The following GRID2 variants were observed in gnomAD, a reference collection of about 807,000 sequenced individuals.
The protein encoded by GRID2 is glutamate ionotropic receptor delta type subunit 2.
GRID2 carries 33 observed loss-of-function variants against 114.8 expected under a neutral mutation model. That is an observed-to-expected ratio of 0.29 (90% CI 0.22 to 0.38). The LOEUF (loss-of-function observed/expected upper bound fraction) is 0.38, where lower values mean the gene tolerates loss of function less well. Among genes scored for constraint, GRID2 ranks in the 10% least tolerant of loss-of-function variants. The pLI, the probability that GRID2 is intolerant of heterozygous loss-of-function variation, is 1.00. For missense variants in GRID2, 1,184 were observed against 1,257.7 expected (o/e 0.94, Z 0.89); for synonymous variants, 505 against 449.9 (o/e 1.12, Z -1.55).
chr4:93,434,044 A>C (rs952653466), intron 10 of GRID2, among the ~76,000 whole-genome samples: 1 of 152,178 alleles, frequency 6.6e-6, no homozygotes, highest in African/African-American at 2.4e-5. Flanking sequence ...TGTGAGCCTA[A>C]AAGAGTTTTG....
intron 2 of GRID2, among the ~76,000 whole-genome samples, chr4:92,982,852 AC>A (rs2149190432): frequency 1.3e-5 from 2 of 152,244 alleles, no homozygotes; most frequent in South Asian, 4.1e-4. Context: ...TTTTAATTTA[AC>A]AAACACTCAT....
chr4:93,038,217 G>A (rs1226485887), intron 2 of GRID2, among the ~76,000 whole-genome samples: 1 of 152,016 alleles, frequency 6.6e-6, no homozygotes, highest in Non-Finnish European at 1.5e-5. Context: ...TCTCTTTGTA[G>A]CATTTGTGAA....
At chr4:92,908,893 C>T (rs531606116) in intron 2 of GRID2, among the ~76,000 whole-genome samples, 1 of 152,246 alleles carries the variant, frequency 6.6e-6, no homozygotes, top group Admixed American at 6.5e-5. Flanking sequence ...CTTATATCTT[C>T]ATCAATTGTC....
At chr4:93,138,477 A>G (rs1279992654) in intron 4 of GRID2, among the ~76,000 whole-genome samples, 1 of 152,126 alleles carries the variant, frequency 6.6e-6, no homozygotes, top group Non-Finnish European at 1.5e-5. Flanking sequence ...TCCAGCCAAA[A>G]TATTTAATAC....
chr4:93,600,186 A>C (rs1739522635), intron 13 of GRID2, among the ~76,000 whole-genome samples: 1 of 152,214 alleles, frequency 6.6e-6, no homozygotes, highest in African/African-American at 2.4e-5. Flanking sequence ...TACAAATACA[A>C]GTTCCTTAAA....
intron 14 of GRID2, among the ~76,000 whole-genome samples, chr4:93,762,980 C>A (rs1020815323): frequency 2.4e-4 from 36 of 152,236 alleles, no homozygotes; most frequent in Middle Eastern, 3.4e-3. Flanking sequence ...CCAAAGGAGG[C>A]TGAGTCAGCA....
At chr4:92,958,051 T>C (rs143332797) in intron 2 of GRID2, among the ~76,000 whole-genome samples, 1 of 152,224 alleles carries the variant, frequency 6.6e-6, no homozygotes, top group East Asian at 1.9e-4. Flanking sequence ...ACTTTTGTTG[T>C]TGTTGTCGAT....
At chr4:92,421,793 A>G (rs1731922171) in intron 1 of GRID2, among the ~76,000 whole-genome samples, 2 of 152,100 alleles carry the variant, frequency 1.3e-5, no homozygotes, top group South Asian at 2.1e-4. Flanking sequence ...ACTCTAATCC[A>G]GAACTATACA....
At chr4:92,964,400 A>T (rs1038347702) in intron 2 of GRID2, among the ~76,000 whole-genome samples, 2 of 152,010 alleles carry the variant, frequency 1.3e-5, no homozygotes, top group African/African-American at 4.8e-5. Context: ...GGCATAGGGG[A>T]CAAGAGGAGG....
At chr4:93,097,231 A>G (rs928342948) in intron 3 of GRID2, among the ~76,000 whole-genome samples, 2 of 151,988 alleles carry the variant, frequency 1.3e-5, no homozygotes, top group African/African-American at 4.8e-5. Flanking sequence ...AATACAATAA[A>G]CAATCTGTTA....
chr4:93,190,906 A>T (rs1411912674), intron 4 of GRID2, among the ~76,000 whole-genome samples: 1 of 152,006 alleles, frequency 6.6e-6, no homozygotes, highest in African/African-American at 2.4e-5. Context: ...TAATATAAAT[A>T]TGATTTAGAA....
intron 8 of GRID2, chr4:93,306,257 T>C (rs889080164): frequency 2.0e-5 from 3 of 152,234 alleles, no homozygotes; most frequent in African/African-American, 7.2e-5. Flanking sequence ...AGAGCTTTTA[T>C]GTTTAGGTAG....
At chr4:92,743,738 A>C (rs1267583161) in intron 2 of GRID2, among the ~76,000 whole-genome samples, 1 of 152,132 alleles carries the variant, frequency 6.6e-6, no homozygotes, top group Non-Finnish European at 1.5e-5. Flanking sequence ...CCTCTTTGAT[A>C]ATTATATCTG....
At chr4:92,457,155 A>G (rs1246221830) in intron 1 of GRID2, among the ~76,000 whole-genome samples, 1 of 151,866 alleles carries the variant, frequency 6.6e-6, no homozygotes, top group Non-Finnish European at 1.5e-5. Flanking sequence ...TTTGTTCTCT[A>G]TTTTTACTAT....
intron 1 of GRID2, among the ~76,000 whole-genome samples, chr4:93,794,796 T>C (rs1734764874): frequency 6.6e-6 from 1 of 152,202 alleles, no homozygotes. Context: ...CCTTCTCTCC[T>C]CACAATTCCT....
At chr4:92,774,524 A>G (rs1738692907) in intron 2 of GRID2, among the ~76,000 whole-genome samples, 3 of 151,798 alleles carry the variant, frequency 2.0e-5, no homozygotes, top group Admixed American at 6.6e-5. Context: ...TAGATTAAAC[A>G]GGAATGAAGG....
At chr4:93,042,168 G>A (rs1725580650) in intron 2 of GRID2, among the ~76,000 whole-genome samples, 1 of 151,504 alleles carries the variant, frequency 6.6e-6, no homozygotes, top group Admixed American at 6.6e-5. Context: ...CTCCCAAAAT[G>A]CTGGGATTAC....
chr4:93,348,852 T>C (rs971730793), intron 8 of GRID2, among the ~76,000 whole-genome samples: 3 of 152,206 alleles, frequency 2.0e-5, no homozygotes, highest in East Asian at 1.9e-4. Flanking sequence ...ATTCCTAGTA[T>C]ATGTTTGCAA....
intron 2 of GRID2, among the ~76,000 whole-genome samples, chr4:93,053,526 C>T (rs1052668352): frequency 1.3e-5 from 2 of 151,910 alleles, no homozygotes; most frequent in South Asian, 2.1e-4. Context: ...ATCAAAGTCT[C>T]ATTGAATACT....
Sources: gnomAD v4.1 joint callset for allele counts (sites outside exome capture counted in the v4.1 genomes callset) on GRCh38, gnomAD v4.1.1 for gene constraint, MANE v1.5 for transcripts, NCBI Gene and HGNC (gene_info 2026-07-23, HGNC 2026-07-21) for gene names.